The following ATP8A1 variants were observed in gnomAD, a reference collection of about 807,000 sequenced individuals.
ATP8A1 encodes ATPase phospholipid transporting 8A1, also known as phospholipid-transporting ATPase IA.
Under a neutral mutation model 177.7 loss-of-function variants are expected in ATP8A1, and 90 were observed. The ratio of observed to expected loss-of-function variants is 0.51; its 90% confidence interval spans 0.43 to 0.60. ATP8A1 has a LOEUF of 0.60. Ranked by LOEUF, ATP8A1 falls within the 20% of genes least tolerant of loss-of-function variation. The probability of loss-of-function intolerance (pLI) is 0.00; values close to 1 mark genes in which losing one functional copy is unlikely to be tolerated. For missense variants in ATP8A1, 1,072 were observed against 1,392.8 expected (o/e 0.77, Z 3.67); for synonymous variants, 493 against 485.9 (o/e 1.01, Z -0.19).
At position 42,500,306 on chromosome 4, in the gene ATP8A1, G is replaced by A. The variant is rs577354480; in HGVS notation, c.2151+3144C>T. The stretch of plus-strand genomic sequence containing the variant: ...CTTGAACCCAGAAGGCGGAGGTTGC[G>A]GTGAGCCGAGATCGTGCCACTGCAC... On this transcript the variant is annotated intron_variant, in intron 24 of 36. Coordinates refer to ENST00000381668, the MANE Select transcript of ATP8A1 (RefSeq NM_006095.2). 1.9e-3 allele frequency among the ~76,000 whole-genome samples: 286 copies of A among 152,098 alleles called. 3 individuals are homozygous for A. Among genetic ancestry groups the A allele is most frequent in the African/African-American group, 6.6e-3 (274 of 41,488 alleles).
At chr4:42,543,305 G>C (rs2153206756) in intron 20 of ATP8A1, among the ~76,000 whole-genome samples, 1 of 152,138 alleles carries the variant, frequency 6.6e-6, no homozygotes, top group East Asian at 1.9e-4. Context: ...TAAATGGAAA[G>C]AACAGTTCAG....
At chr4:42,460,523 G>C (rs1429853096) in intron 27 of ATP8A1, among the ~76,000 whole-genome samples, 1 of 151,828 alleles carries the variant, frequency 6.6e-6, no homozygotes, top group East Asian at 1.9e-4. Flanking sequence ...AAGTAGCTGG[G>C]ATTACAGGCA....
At chr4:42,444,867 T>C (rs1246842583) in intron 31 of ATP8A1, among the ~76,000 whole-genome samples, 1 of 152,198 alleles carries the variant, frequency 6.6e-6, no homozygotes, top group African/African-American at 2.4e-5. Flanking sequence ...TCCTTGCCTC[T>C]CCCTCACCTG....
intron 1 of ATP8A1, among the ~76,000 whole-genome samples, chr4:42,634,613 C>A (rs1049262912): frequency 6.6e-6 from 1 of 152,070 alleles, no homozygotes; most frequent in African/African-American, 2.4e-5. Flanking sequence ...TTAGGTCTAC[C>A]AGTTATGAGC....
intron 5 of ATP8A1, among the ~76,000 whole-genome samples, chr4:42,614,273 A>G (rs1191539726): frequency 6.6e-6 from 1 of 152,290 alleles, no homozygotes; most frequent in East Asian, 1.9e-4. Context: ...TACTATGTCA[A>G]CTTCTTGAGC....
At chr4:42,622,047 C>T (rs762588466) in intron 4 of ATP8A1, among the ~76,000 whole-genome samples, 35 of 152,060 alleles carry the variant, frequency 2.3e-4, no homozygotes, top group Admixed American at 1.3e-4. Flanking sequence ...ACTGAAACTA[C>T]ATCATATACA....
In ATP8A1 at chr4:42,651,126, G is replaced by C. The variant is rs533970062; in HGVS notation, c.49+5699C>G. Among the ~76,000 whole-genome samples the C allele has an allele frequency of 1.1e-3, 173 of 152,224 alleles. 1 individual carries two copies. The Middle Eastern group carries it at 0.014, about 12-fold the overall frequency. ...GCTCTCTCTGCCTGCTGCCATCCATGTAAGATCTGACTTGCTCCTCCTTGC... is the reference window on the plus strand; with the variant it reads ...GCTCTCTCTGCCTGCTGCCATCCATCTAAGATCTGACTTGCTCCTCCTTGC... On this transcript the variant is annotated intron_variant, in intron 1 of 36. Transcript: ENST00000381668.
rs199916158 is a variant in ATP8A1, at chr4:42,624,643, A to G, written c.265-9T>C. 8.7e-4 allele frequency: 20 copies of G among 23,090 alleles called. No individual in the cohort carries two copies. The highest frequency in any genetic ancestry group is 1.4e-3 in the Non-Finnish European group (20 of 13,992). The allele number at this position is 23,090 out of a possible 1,614,324, so 1.4% of individuals were successfully genotyped here. ...GACACATCAGGTATTTGCTGTTTGG[A>G]AAAAAAAAAAAAAGAGAAATCCAAT... On this transcript the variant is annotated splice_polypyrimidine_tract_variant and intron_variant, in intron 3 of 36. Transcript: ENST00000381668.
chr4:42,420,040 C>T (rs1329717093), intron 35 of ATP8A1, among the ~76,000 whole-genome samples: 7 of 151,790 alleles, frequency 4.6e-5, no homozygotes, highest in Non-Finnish European at 8.8e-5. Context: ...AAACTGCTAA[C>T]TTTTTTTGAA....
intron 5 of ATP8A1, among the ~76,000 whole-genome samples, chr4:42,604,701 T>C (rs193009160): frequency 1.0e-3 from 155 of 152,268 alleles, no homozygotes; most frequent in African/African-American, 3.6e-3. Flanking sequence ...ACGGAAAACA[T>C]ATGTTCACAC....
chr4:42,502,248 A>C (rs1478350099), intron 24 of ATP8A1, among the ~76,000 whole-genome samples: 1 of 152,186 alleles, frequency 6.6e-6, no homozygotes, highest in African/African-American at 2.4e-5. Flanking sequence ...GCTCTGGTAG[A>C]AACAGGCAGT....
At chr4:42,649,715 C>T (rs188796053) in intron 1 of ATP8A1, among the ~76,000 whole-genome samples, 100 of 152,250 alleles carry the variant, frequency 6.6e-4, no homozygotes, top group African/African-American at 2.4e-3. Context: ...GCGAACAAAT[C>T]TCACAAAAAC....
chr4:42,595,029 T>C (rs1553912812), intron 6 of ATP8A1, among the ~76,000 whole-genome samples: 1 of 152,172 alleles, frequency 6.6e-6, no homozygotes, highest in Non-Finnish European at 1.5e-5. Flanking sequence ...GTCATTTAAG[T>C]GACAGATGTG....
intron 15 of ATP8A1, among the ~76,000 whole-genome samples, chr4:42,567,530 C>T (rs540496245): frequency 2.8e-4 from 43 of 152,322 alleles, no homozygotes; most frequent in Admixed American, 1.5e-3. Flanking sequence ...TAGAGTGAGA[C>T]TCCCTCTTAA....
chr4:42,498,722 C>A (rs1302278075), intron 24 of ATP8A1, among the ~76,000 whole-genome samples: 1 of 152,126 alleles, frequency 6.6e-6, no homozygotes, highest in Non-Finnish European at 1.5e-5. Context: ...TGATGTCCAG[C>A]ATTGTTTCTA....
chr4:42,651,697 T>G (rs1037526972), intron 1 of ATP8A1, among the ~76,000 whole-genome samples: 9 of 152,226 alleles, frequency 5.9e-5, no homozygotes, highest in Non-Finnish European at 1.2e-4. Context: ...CATTTTCTCC[T>G]GGCTAAAACT....
At chr4:42,448,392 C>CTTACTTTACTTTTTTTTTTTTTTTTT (rs1560335169) in intron 30 of ATP8A1, among the ~76,000 whole-genome samples, 2 of 19,932 alleles carry the variant, frequency 1.0e-4, no homozygotes, top group African/African-American at 1.6e-4. Flanking sequence ...CCCTCCTTCT[C>CTTACTTTACTTTTTTTTTTTTTTTTT]TTTCTTTTCT....
At chr4:42,600,431 C>A (rs896787363) in intron 6 of ATP8A1, 47 bp downstream of exon 6, 1 of 1,536,796 alleles carries the variant, frequency 6.5e-7, no homozygotes, top group Non-Finnish European at 8.9e-7. Context: ...CTAGAGTACA[C>A]CGCTATGTAT....
intron 1 of ATP8A1, among the ~76,000 whole-genome samples, chr4:42,645,362 A>T (rs1740425266): frequency 6.6e-6 from 1 of 152,204 alleles, no homozygotes; most frequent in Admixed American, 6.5e-5. Context: ...TTGGCTAGCT[A>T]ATACTCTTGG....
Sources: gnomAD v4.1 joint callset for allele counts (sites outside exome capture counted in the v4.1 genomes callset) on GRCh38, gnomAD v4.1.1 for gene constraint, MANE v1.5 for transcripts, NCBI Gene and HGNC (gene_info 2026-07-23, HGNC 2026-07-21) for gene names.